SUPT3H: variants seen among roughly 807,000 people sequenced by gnomAD.
SUPT3H encodes transcription initiation protein SPT3 homolog.
In SUPT3H, 44 loss-of-function variants were observed where a neutral mutation model predicts 44.3. The ratio of observed to expected loss-of-function variants is 0.99; its 90% CI spans 0.78 to 1.28. The LOEUF (loss-of-function observed/expected upper bound fraction) is 1.28, where lower values mean the gene tolerates loss of function less well. Among genes scored for constraint, SUPT3H ranks in the 50% most tolerant of loss-of-function variants. The probability of loss-of-function intolerance (pLI) is 0.00; values close to 1 mark genes in which losing one functional copy is unlikely to be tolerated. For synonymous variants in SUPT3H, 124 were observed against 125.6 expected, an observed-to-expected ratio of 0.99 and a Z score of 0.09; for missense variants, 380 against 387.1, an observed-to-expected ratio of 0.98 and a Z score of 0.15.
chr6:44,989,024 T>G (rs774359831), intron 6 of SUPT3H, among the ~76,000 whole-genome samples: 1 of 152,122 alleles, frequency 6.6e-6, no homozygotes, highest in Non-Finnish European at 1.5e-5. Context: ...ATTCTTTGAA[T>G]AACACACATT....
chr6:45,008,782 C>T (rs138964348), intron 5 of SUPT3H, among the ~76,000 whole-genome samples: 1 of 152,044 alleles, frequency 6.6e-6, no homozygotes, highest in East Asian at 1.9e-4. Flanking sequence ...CCTCTATTGC[C>T]CAGGCTGGTG....
intron 2 of SUPT3H, among the ~76,000 whole-genome samples, chr6:45,169,807 T>C (rs1008116099): frequency 8.5e-5 from 13 of 152,368 alleles, no homozygotes; most frequent in Non-Finnish European, 1.5e-4. Context: ...ATTCATCCTA[T>C]GATTTCAAGG....
intron 10 of SUPT3H, among the ~76,000 whole-genome samples, chr6:44,896,313 T>G (rs1399929248): frequency 6.6e-6 from 1 of 152,156 alleles, no homozygotes; most frequent in Non-Finnish European, 1.5e-5. Flanking sequence ...ATCATCATCA[T>G]CATTATTAAC....
intron 2 of SUPT3H, among the ~76,000 whole-genome samples, chr6:45,274,742 G>T (rs1776738200): frequency 6.6e-6 from 1 of 152,082 alleles, no homozygotes; most frequent in Non-Finnish European, 1.5e-5. Context: ...AAATTTGCCA[G>T]GTGTGGTGTT....
At chr6:45,336,529 A>G (rs186992798) in intron 2 of SUPT3H, among the ~76,000 whole-genome samples, 1 of 151,616 alleles carries the variant, frequency 6.6e-6, no homozygotes, top group Admixed American at 6.6e-5. Flanking sequence ...ATCAAGATAC[A>G]CTTAAATATT....
intron 2 of SUPT3H, chr6:45,321,846 A>T: frequency 6.9e-6 from 11 of 1,601,068 alleles, no homozygotes; most frequent in Non-Finnish European, 9.4e-6. Context: ...AATAGGGAAA[A>T]ACTGATTTTC....
intron 3 of SUPT3H, among the ~76,000 whole-genome samples, chr6:45,025,537 C>A (rs115703218): frequency 0.018 from 2,669 of 152,226 alleles, 51 homozygotes; most frequent in South Asian, 0.086. Flanking sequence ...TTGGCTGGGG[C>A]CCACATAAAT....
chr6:45,277,419 A>G (rs1186645641), intron 2 of SUPT3H, among the ~76,000 whole-genome samples: 1 of 152,166 alleles, frequency 6.6e-6, no homozygotes, highest in Non-Finnish European at 1.5e-5. Flanking sequence ...CCCAGAAGAA[A>G]AGAGAATTTT....
intron 5 of SUPT3H, among the ~76,000 whole-genome samples, chr6:45,013,725 T>C (rs947739991): frequency 6.6e-6 from 1 of 151,992 alleles, no homozygotes; most frequent in Non-Finnish European, 1.5e-5. Flanking sequence ...AATAAAGCTT[T>C]TGCAACATGG....
intron 2 of SUPT3H, among the ~76,000 whole-genome samples, chr6:45,288,365 AAGT>A (rs2149843466): frequency 6.6e-6 from 1 of 152,130 alleles, no homozygotes; most frequent in East Asian, 1.9e-4. Context: ...CTGCCATTTT[AAGT>A]CAGAAGGTAA....
intron 2 of SUPT3H, among the ~76,000 whole-genome samples, chr6:45,210,087 T>C (rs541800566): frequency 6.6e-6 from 1 of 152,132 alleles, no homozygotes; most frequent in Non-Finnish European, 1.5e-5. Flanking sequence ...AATTAAGGTA[T>C]GTATACTGCT....
In SUPT3H at chr6:45,062,254, C is replaced by T. The variant is rs556448278; in HGVS notation, c.187-41622G>A. On this transcript the variant is annotated intron_variant, in intron 3 of 10. Coordinates refer to ENST00000371459, the MANE Select transcript of SUPT3H (RefSeq NM_003599.4). ...TTAGAAAGTAATTTACAAAGTAACACAAATAACATTTGAAAAAGTTGAAAT... is the reference window on the plus strand; with the variant it reads ...TTAGAAAGTAATTTACAAAGTAACATAAATAACATTTGAAAAAGTTGAAAT... Among the ~76,000 whole-genome samples the T allele has an allele frequency of 2.6e-5, 4 of 152,026 alleles. No individual in the cohort carries two copies. The South Asian group carries it at 6.3e-4, about 24-fold the overall frequency.
In SUPT3H at chr6:45,014,821, T is replaced by C. The variant is rs756994098; in HGVS notation, c.344A>G (p.Asp115Gly). The C allele has an allele frequency of 1.8e-5, 28 of 1,592,912 alleles. No individual in the cohort carries two copies. The highest frequency in any genetic ancestry group is 2.2e-5 in the Non-Finnish European group (26 of 1,170,994). ...DYKSKIVKGI[D>G]EDDLLEDKLS... ...GTTACCTTCGAGAAGATCATCCTCA[T>C]CGATGCCTTTGACAATCTTTGATTT... The change falls in exon 5 of 11, where the codon GAT becomes GGT. Residue 115 changes from aspartate (D) to glycine (G), a missense_variant. Coordinates refer to ENST00000371459, the MANE Select transcript of SUPT3H (RefSeq NM_003599.4).
intron 3 of SUPT3H, among the ~76,000 whole-genome samples, chr6:45,089,802 A>C (rs985629206): frequency 2.6e-5 from 4 of 151,992 alleles, no homozygotes; most frequent in Non-Finnish European, 5.9e-5. Flanking sequence ...CTCCAGAAGC[A>C]GCATCTTGAG....
chr6:45,218,287 T>C lies in SUPT3H; in HGVS notation c.102-112281A>G, dbSNP rs75603505. On this transcript the variant is annotated intron_variant, in intron 2 of 10. Coordinates refer to ENST00000371459, the MANE Select transcript of SUPT3H (RefSeq NM_003599.4). ...TATTATATAATGATCAAAGGAGCAATCTACTAGGAAGACATAGGAATCCTG... is the reference window on the plus strand; with the variant it reads ...TATTATATAATGATCAAAGGAGCAACCTACTAGGAAGACATAGGAATCCTG... Among the ~76,000 whole-genome samples the C allele has an allele frequency of 5.5e-3, 831 of 152,200 alleles. 12 individuals carry two copies. The highest frequency in any genetic ancestry group is 0.019 in the African/African-American group (798 of 41,528).
chr6:44,825,957 A>G (rs1461441492), downstream of SUPT3H, among the ~76,000 whole-genome samples: 1 of 152,170 alleles, frequency 6.6e-6, no homozygotes, highest in Non-Finnish European at 1.5e-5. Context: ...GCAGGAATTG[A>G]TTGCTTTAAA....
chr6:45,234,892 C>T (rs1441600276), intron 2 of SUPT3H, among the ~76,000 whole-genome samples: 2 of 151,972 alleles, frequency 1.3e-5, no homozygotes, highest in Non-Finnish European at 2.9e-5. Context: ...CCTTAAAATG[C>T]CTAGAAATAG....
At chr6:45,286,784 C>T (rs906543449) in intron 2 of SUPT3H, among the ~76,000 whole-genome samples, 4 of 152,198 alleles carry the variant, frequency 2.6e-5, no homozygotes, top group African/African-American at 7.2e-5. Context: ...TATAAAGACA[C>T]ATGCACACGT....
intron 2 of SUPT3H, among the ~76,000 whole-genome samples, chr6:45,145,681 A>T (rs1473467586): frequency 6.6e-6 from 1 of 152,118 alleles, no homozygotes. Context: ...ACTTAATTAA[A>T]CCAAAAAGTT....
Sources: gnomAD v4.1 joint callset for allele counts (sites outside exome capture counted in the v4.1 genomes callset) on GRCh38, gnomAD v4.1.1 for gene constraint, MANE v1.5 for transcripts, NCBI Gene and HGNC (gene_info 2026-07-23, HGNC 2026-07-21) for gene names.